The following SRGAP2C variants were observed in gnomAD, a reference collection of about 807,000 sequenced individuals.
SRGAP2C encodes SLIT-ROBO Rho GTPase activating protein 2C, also known as SLIT-ROBO Rho GTPase-activating protein 2C.
SRGAP2C carries 15 observed loss-of-function variants against 25.1 expected under a neutral mutation model. The observed-to-expected ratio is 0.60, with a 90% CI of 0.40 to 0.92. SRGAP2C has a LOEUF of 0.92. Ranked by LOEUF, SRGAP2C falls within the 40% of genes least tolerant of loss-of-function variation. SRGAP2C has a pLI of 0.00. For synonymous variants in SRGAP2C, 44 were observed against 96.6 expected (o/e 0.46, Z 3.19); for missense variants, 144 against 264.4 (o/e 0.54, Z 3.16).
intron 3 of SRGAP2C, among the ~76,000 whole-genome samples, chr1:121,303,839 G>A (rs1657754505): frequency 6.6e-6 from 1 of 151,706 alleles, no homozygotes; most frequent in African/African-American, 2.4e-5. Flanking sequence ...TGAGAAACCT[G>A]GTTCCTATTA....
intron 2 of SRGAP2C, among the ~76,000 whole-genome samples, chr1:121,228,630 C>T (rs1211928008): frequency 4.6e-5 from 7 of 151,226 alleles, no homozygotes; most frequent in East Asian, 1.9e-4. Context: ...TTCATGATCA[C>T]GAACCTTCTA....
intron 2 of SRGAP2C, among the ~76,000 whole-genome samples, chr1:121,218,671 C>T (rs1256389635): frequency 8.6e-5 from 13 of 150,476 alleles, no homozygotes; most frequent in East Asian, 1.9e-4. Context: ...CTCTTGAACC[C>T]GGGAGGCGAA....
At chr1:121,329,878 G>A (rs1426913414) in intron 4 of SRGAP2C, among the ~76,000 whole-genome samples, 21 of 152,226 alleles carry the variant, frequency 1.4e-4, no homozygotes, top group African/African-American at 4.1e-4. Context: ...AATTGAGCCC[G>A]TTTGGTGCTC....
At chr1:121,192,370 CAG>C (rs1463747714) in intron 2 of SRGAP2C, among the ~76,000 whole-genome samples, 2 of 152,088 alleles carry the variant, frequency 1.3e-5, no homozygotes, top group African/African-American at 4.8e-5. Context: ...GTCCCTTGCT[CAG>C]GGGAAAAAAC....
chr1:121,310,816 C>T lies in SRGAP2C; in HGVS notation c.261-13662C>T, dbSNP rs1214563633. On this transcript the variant is annotated intron_variant, in intron 3 of 9. Transcript: ENST00000367123. ...TTGGTACCAGTACCATGCTGTTTTGCTTACTGTAGCCTTGTAGTATAGTTT... is the reference window on the plus strand; with the variant it reads ...TTGGTACCAGTACCATGCTGTTTTGTTTACTGTAGCCTTGTAGTATAGTTT... Among the ~76,000 whole-genome samples the T allele has an allele frequency of 4.7e-5, 4 of 85,506 alleles. 1 individual carries two copies. The highest frequency in any genetic ancestry group is 1.6e-4 in the African/African-American group (4 of 24,516). 56.1% of individuals were successfully genotyped at this position (85,506 alleles called of 152,430 possible). A position where few individuals can be genotyped will look rare whatever the true frequency, so the allele number is the denominator to read the frequency against.
At chr1:121,314,523 T>G (rs879186103) in intron 3 of SRGAP2C, among the ~76,000 whole-genome samples, 2 of 152,086 alleles carry the variant, frequency 1.3e-5, no homozygotes, top group South Asian at 2.1e-4. Flanking sequence ...AGTTTCCAGT[T>G]TTTCTGTTCT....
chr1:121,212,171 C>T (rs1392880537), intron 2 of SRGAP2C, among the ~76,000 whole-genome samples: 2 of 117,702 alleles, frequency 1.7e-5, no homozygotes, highest in African/African-American at 3.3e-5. Flanking sequence ...CGCTCTGTCG[C>T]CCAGGCTGGA....
intron 2 of SRGAP2C, among the ~76,000 whole-genome samples, chr1:121,265,804 T>C (rs1481082639): frequency 1.3e-5 from 2 of 151,928 alleles, no homozygotes; most frequent in African/African-American, 4.8e-5. Context: ...GTCTTTAATA[T>C]TGGATTTTGA....
chr1:121,277,492 C>G (rs1202553855), intron 2 of SRGAP2C, among the ~76,000 whole-genome samples: 1 of 149,886 alleles, frequency 6.7e-6, no homozygotes, highest in Non-Finnish European at 1.5e-5. Context: ...AGCAGTCCTC[C>G]CATCTGGGCC....
At chr1:121,384,804 T>G (rs1659921502) in intron 8 of SRGAP2C, among the ~76,000 whole-genome samples, 1 of 152,078 alleles carries the variant, frequency 6.6e-6, no homozygotes, top group Non-Finnish European at 1.5e-5. Context: ...TGCACCCTGG[T>G]AGCGGACCAC....
chr1:121,201,793 AATT>A lies in SRGAP2C; in HGVS notation c.67+14283_67+14285del, dbSNP rs1384043420. ...TATGTAATTGAGTAAGAATTTGAAA[AATT>A]ATCCGATAACGTTAGGAGCAGCAAA... is the stretch of plus-strand genomic sequence containing the variant. On this transcript the variant is annotated intron_variant, in intron 2 of 9. Coordinates refer to ENST00000367123, the MANE Select transcript of SRGAP2C (RefSeq NM_001329984.2). Among the ~76,000 whole-genome samples the A allele has an allele frequency of 3.9e-5, 6 of 152,292 alleles. No homozygotes were observed. The South Asian group carries it at 1.0e-3, about 26-fold the overall frequency.
chr1:121,321,014 G>A (rs1430555157), intron 3 of SRGAP2C, among the ~76,000 whole-genome samples: 2 of 152,076 alleles, frequency 1.3e-5, no homozygotes, highest in African/African-American at 4.8e-5. Flanking sequence ...GCACACACAG[G>A]CGTGAATGAA....
At chr1:121,279,552 T>A (rs1387180589) in intron 2 of SRGAP2C, among the ~76,000 whole-genome samples, 23 of 151,974 alleles carry the variant, frequency 1.5e-4, no homozygotes, top group Admixed American at 4.6e-4. Context: ...GGGCTAGTTT[T>A]TCTGCCAGTT....
intron 4 of SRGAP2C, among the ~76,000 whole-genome samples, chr1:121,331,565 C>T (rs2101617645): frequency 1.8e-5 from 1 of 56,122 alleles, no homozygotes; most frequent in African/African-American, 7.6e-5. Context: ...GAGTTCTGAC[C>T]TCCAGAACTC....
intron 4 of SRGAP2C, among the ~76,000 whole-genome samples, chr1:121,329,717 C>G: frequency 6.7e-6 from 1 of 149,698 alleles, no homozygotes; most frequent in Middle Eastern, 3.4e-3. Flanking sequence ...CCTTGCTAGC[C>G]CTCTGGTTTG....
chr1:121,319,347 CGT>C (rs1658152370), intron 3 of SRGAP2C, among the ~76,000 whole-genome samples: 1 of 151,650 alleles, frequency 6.6e-6, no homozygotes, highest in African/African-American at 2.4e-5. Flanking sequence ...GTCAGGAGAG[CGT>C]CTAGGATTTT....
intron 2 of SRGAP2C, among the ~76,000 whole-genome samples, chr1:121,235,977 A>T: frequency 8.2e-6 from 1 of 122,318 alleles, no homozygotes. Flanking sequence ...AGATGCTCAT[A>T]TTGTCTCAGG....
rs1553341505 is a variant in SRGAP2C, at chr1:121,324,581, A to T, written c.364A>T (p.Asn122Tyr). Residue 122 changes from asparagine (N) to tyrosine (Y), a missense_variant, in exon 4 of 10, where the codon AAT becomes TAT. Physicochemically the swap from Asn to Tyr is moderately radical, Grantham distance 143. Around this residue, in one of 5 missense-constraint regions of SRGAP2C, gnomAD observed 26 missense variants for 67.3 expected, o/e 0.39. Transcript: ENST00000367123. ...TACCACCCTGAGTGACATCTACCTG[A>T]ATAATATCATTCCTCGATTTGTACA... ...DHTTLSDIYL[N>Y]NIIPRFVQVS... 5 of 1,571,592 alleles carry T rather than the reference A, an allele frequency of 3.2e-6. No individual in the cohort carries two copies. Among genetic ancestry groups the T allele is most frequent in the Non-Finnish European group, 4.4e-6 (5 of 1,141,402 alleles).
rs374698561 is a variant in SRGAP2C, at chr1:121,372,310, T to G, written c.487-1661T>G. On this transcript the variant is annotated intron_variant, in intron 5 of 9. Transcript: ENST00000367123. ...TTTCTCAACGTCAGCACCATTGACA[T>G]TTGGGCCAGATAATTAATTGTTGTG... Among the ~76,000 whole-genome samples, 18 of 152,244 alleles carry G rather than the reference T, an allele frequency of 1.2e-4. No individual in the cohort carries two copies. The East Asian group carries it at 2.9e-3, about 25-fold the overall frequency.
Sources: gnomAD v4.1 joint callset for allele counts (sites outside exome capture counted in the v4.1 genomes callset) on GRCh38, gnomAD v4.1.1 for gene constraint, gnomAD v4.1.1 regional missense constraint, MANE v1.5 for transcripts, NCBI Gene and HGNC (gene_info 2026-07-23, HGNC 2026-07-21) for gene names.